Variants in TTC39B observed in about 807,000 individuals in gnomAD.
TTC39B encodes tetratricopeptide repeat protein 39B.
Under a neutral mutation model 96.6 loss-of-function variants are expected in TTC39B, and 92 were observed. The observed-to-expected ratio is 0.95, with a 90% CI of 0.80 to 1.13. The LOEUF (loss-of-function observed/expected upper bound fraction) is 1.13. Ranked by LOEUF, TTC39B falls within the 50% of genes most tolerant of loss-of-function variation. The pLI is 0.00. For synonymous variants in TTC39B, 367 were observed against 299.4 expected (o/e 1.23, Z -2.33); for missense variants, 955 against 809.3 (o/e 1.18, Z -2.18).
rs370730153 is a variant in TTC39B at position 15,258,250 on chromosome 9, G to A, written c.275+9664C>T. Among the ~76,000 whole-genome samples the A allele has an allele frequency of 1.0e-3, 156 of 152,156 alleles. 1 individual carries two copies. The highest frequency in any genetic ancestry group is 2.8e-3 in the African/African-American group (116 of 41,494). ...AGAGCGGAGAGAGAGGAAAGTGAAC[G>A]GATGGGAAATATATATTGGAGGTAG... On this transcript the variant is annotated intron_variant, in intron 2 of 19. Transcript: ENST00000512701.
chr9:15,277,188 G>A lies in TTC39B; in HGVS notation c.241-9240C>T, dbSNP rs974728474. Among the ~76,000 whole-genome samples, 11 of 152,200 alleles carry A rather than the reference G, an allele frequency of 7.2e-5. 1 individual carries two copies. Among genetic ancestry groups the A allele is most frequent in the African/African-American group, 2.7e-4 (11 of 41,458 alleles). On this transcript the variant is annotated intron_variant, in intron 1 of 19. Transcript: ENST00000512701. ...TCATGCCTGAAATCCCAGCACTTTG[G>A]GAGGCAGAGGCGGGTGGATCACCTG...
intron 2 of TTC39B, among the ~76,000 whole-genome samples, chr9:15,260,339 C>A (rs1304269206): frequency 6.7e-6 from 1 of 150,152 alleles, no homozygotes; most frequent in African/African-American, 2.5e-5. Flanking sequence ...ATCTTAGATC[C>A]AATAAAATCA....
chr9:15,217,583 T>C (rs866139514), intron 3 of TTC39B, among the ~76,000 whole-genome samples: 4 of 152,194 alleles, frequency 2.6e-5, no homozygotes, highest in African/African-American at 9.7e-5. Context: ...CCAAGACTTC[T>C]GTCAAGTATC....
rs562511726 is a variant in TTC39B, at chr9:15,176,083, T to C, written c.1842-948A>G. On this transcript the variant is annotated intron_variant, in intron 18 of 19. Coordinates refer to ENST00000512701, the Ensembl canonical transcript of TTC39B. ...TACATTGTCTAAATGATCCAAGAAG[T>C]AAGCAATGAAATTAACATGAAAGAG... is the stretch of plus-strand genomic sequence containing the variant. 4.6e-5 allele frequency among the ~76,000 whole-genome samples: 7 copies of C among 152,296 alleles called. No individual in the cohort carries two copies. The East Asian group carries it at 5.8e-4, about 13-fold the overall frequency.
chr9:15,249,834 T>G (rs1822452266), intron 2 of TTC39B: 2 of 1,050,362 alleles, frequency 1.9e-6, no homozygotes, highest in African/African-American at 3.4e-5. Flanking sequence ...TTACATAGCC[T>G]TCCTTAAATT....
At chr9:15,292,120 TCATAGTTAATGC>T (rs1563793677) in intron 1 of TTC39B, among the ~76,000 whole-genome samples, 1 of 152,186 alleles carries the variant, frequency 6.6e-6, no homozygotes, top group African/African-American at 2.4e-5. Flanking sequence ...CAGGAAAGAA[TCATAGTTAATGC>T]CCACATCCCA....
At chr9:15,292,112 GGAAA>G (rs1563793667) in intron 1 of TTC39B, among the ~76,000 whole-genome samples, 1 of 152,172 alleles carries the variant, frequency 6.6e-6, no homozygotes, top group African/African-American at 2.4e-5. Context: ...TTTACAGACA[GGAAA>G]GAATCATAGT....
At chr9:15,197,600 G>A (rs574159456) in intron 8 of TTC39B, among the ~76,000 whole-genome samples, 35 of 152,152 alleles carry the variant, frequency 2.3e-4, no homozygotes, top group Middle Eastern at 3.4e-3. Context: ...AAAAAAGTAG[G>A]AGTCTCAGGA....
At chr9:15,222,754 T>C (rs1314462786) in intron 3 of TTC39B, among the ~76,000 whole-genome samples, 1 of 152,204 alleles carries the variant, frequency 6.6e-6, no homozygotes. Flanking sequence ...TTTCTCTCCG[T>C]TCCTTTAATT....
At chr9:15,221,195 T>C (rs1358345663) in intron 3 of TTC39B, among the ~76,000 whole-genome samples, 2 of 152,132 alleles carry the variant, frequency 1.3e-5, no homozygotes, top group African/African-American at 2.4e-5. Context: ...AGTGTTCTTG[T>C]CTGTACCCAT....
chr9:15,211,786 T>G (rs558448596), intron 4 of TTC39B, among the ~76,000 whole-genome samples: 1 of 152,316 alleles, frequency 6.6e-6, no homozygotes, highest in South Asian at 2.1e-4. Context: ...TTCTGATATA[T>G]TTTTTCAAAA....
chr9:15,267,008 G>A (rs1051039599), intron 2 of TTC39B, among the ~76,000 whole-genome samples: 1 of 152,174 alleles, frequency 6.6e-6, no homozygotes, highest in Non-Finnish European at 1.5e-5. Context: ...GAACCTGGGA[G>A]GCGGAGCTTG....
chr9:15,281,622 C>T (rs1433644561), intron 1 of TTC39B, among the ~76,000 whole-genome samples: 2 of 49,766 alleles, frequency 4.0e-5, no homozygotes, highest in South Asian at 1.0e-3. Context: ...CCCCCTGCAA[C>T]AGCAAAAAAA....
At chr9:15,291,624 G>T (rs954277022) in intron 1 of TTC39B, among the ~76,000 whole-genome samples, 1 of 152,164 alleles carries the variant, frequency 6.6e-6, no homozygotes, top group African/African-American at 2.4e-5. Context: ...TAAGACAGCT[G>T]CTATTTATCC....
chr9:15,287,548 G>C (rs374953572), intron 1 of TTC39B, among the ~76,000 whole-genome samples: 1 of 152,098 alleles, frequency 6.6e-6, no homozygotes. Context: ...TGTGGTACTC[G>C]CTTCCCGGAG....
Position 15,223,892 on chromosome 9 carries a change from T to C in TTC39B, c.371+2025A>G, listed in dbSNP as rs556038795. ...GTATTTTGGATCTTTGGATTAGGGA[T>C]GCCCACCCTGTGCTATCATGAAAAC... On this transcript the variant is annotated intron_variant, in intron 3 of 19. Coordinates refer to ENST00000512701, the Ensembl canonical transcript of TTC39B. 2.3e-3 allele frequency among the ~76,000 whole-genome samples: 352 copies of C among 152,174 alleles called. 2 individuals carry two copies. Among genetic ancestry groups the C allele is most frequent in the African/African-American group, 8.2e-3 (339 of 41,506 alleles).
chr9:15,259,379 C>G (rs1365285945), intron 2 of TTC39B, among the ~76,000 whole-genome samples: 1 of 152,200 alleles, frequency 6.6e-6, no homozygotes, highest in Non-Finnish European at 1.5e-5. Context: ...TCCAAACCAG[C>G]TTACAATTCA....
chr9:15,210,145 C>G (rs1441969699), exon 6 of TTC39B: 2 of 1,604,206 alleles, frequency 1.2e-6, no homozygotes, highest in African/African-American at 1.3e-5. Flanking sequence ...GATTCTACAA[C>G]TGTGTATTTT....
chr9:15,263,503 C>T (rs1823016228), intron 2 of TTC39B, among the ~76,000 whole-genome samples: 1 of 152,212 alleles, frequency 6.6e-6, no homozygotes, highest in Non-Finnish European at 1.5e-5. Context: ...AATGAAACCA[C>T]ACCGCTGTGC....
Sources: gnomAD v4.1 joint callset for allele counts (sites outside exome capture counted in the v4.1 genomes callset) on GRCh38, gnomAD v4.1.1 for gene constraint, MANE v1.5 for transcripts, NCBI Gene and HGNC (gene_info 2026-07-23, HGNC 2026-07-21) for gene names.